Variants in ASB4 observed in about 807,000 individuals in gnomAD.
ASB4 encodes the protein ankyrin repeat and SOCS box containing 4.
In ASB4, 35 loss-of-function variants were observed where a neutral mutation model predicts 38.6. The observed-to-expected ratio is 0.91, with a 90% CI of 0.69 to 1.20. ASB4 has a LOEUF of 1.20. ASB4 is among the 50% of genes most tolerant of loss of function. The pLI, the probability that ASB4 is intolerant of heterozygous loss-of-function variation, is 0.00. For synonymous variants in ASB4, 195 were observed against 201.3 expected (o/e 0.97, Z 0.26); for missense variants, 557 against 527.2 (o/e 1.06, Z -0.55).
chr7:95,546,794 A>G, the ASB4 span, among the ~76,000 whole-genome samples: 1 of 152,308 alleles, frequency 6.6e-6, no homozygotes, highest in East Asian at 1.9e-4. Flanking sequence ...CCGGCACAGG[A>G]TTTCACTTTT....
chr7:95,542,877 G>A (rs1197853070), downstream of ASB4: 1 of 152,166 alleles, frequency 6.6e-6, no homozygotes, highest in Non-Finnish European at 1.5e-5. Context: ...ATCCAGTTAT[G>A]GAAATAAAAT....
chr7:95,535,005 C>T (rs1161458043), intron 3 of ASB4, among the ~76,000 whole-genome samples: 1 of 152,192 alleles, frequency 6.6e-6, no homozygotes, highest in African/African-American at 2.4e-5. Flanking sequence ...TGCCCTGACT[C>T]CATCCAGGTT....
intron 2 of ASB4, among the ~76,000 whole-genome samples, chr7:95,502,958 C>A (rs1790361943): frequency 6.6e-6 from 1 of 152,072 alleles, no homozygotes; most frequent in South Asian, 2.1e-4. Context: ...CCATACCATG[C>A]AGATATTTAA....
downstream of ASB4, among the ~76,000 whole-genome samples, chr7:95,540,763 T>C (rs1790960375): frequency 6.6e-6 from 1 of 152,214 alleles, no homozygotes; most frequent in Admixed American, 6.5e-5. Context: ...TAGACACACT[T>C]GTGTTCTATT....
downstream of ASB4, chr7:95,542,268 T>A (rs1039472123): frequency 6.6e-6 from 1 of 152,140 alleles, no homozygotes; most frequent in African/African-American, 2.4e-5. Flanking sequence ...TTTAAAAAAA[T>A]TAGATGCTGT....
At chr7:95,515,169 C>CTTTCTT (rs1562816887) in intron 2 of ASB4, among the ~76,000 whole-genome samples, 1 of 56,254 alleles carries the variant, frequency 1.8e-5, no homozygotes, top group Admixed American at 1.6e-4. Flanking sequence ...TTCTCTTTCT[C>CTTTCTT]TTTCTTTCTT....
chr7:95,490,386 G>C (rs546006888), intron 1 of ASB4, among the ~76,000 whole-genome samples: 1 of 152,086 alleles, frequency 6.6e-6, no homozygotes, highest in Non-Finnish European at 1.5e-5. Flanking sequence ...CTTCAAACTT[G>C]CTTTTATCCC....
At chr7:95,515,347 TTC>T (rs1268398306) in intron 2 of ASB4, among the ~76,000 whole-genome samples, 1 of 139,406 alleles carries the variant, frequency 7.2e-6, no homozygotes, top group Non-Finnish European at 1.6e-5. Flanking sequence ...CTTTCTTTCT[TTC>T]TTTTTCTTTC....
chr7:95,505,786 A>C (rs780709575), intron 2 of ASB4, among the ~76,000 whole-genome samples: 81 of 149,344 alleles, frequency 5.4e-4, no homozygotes, highest in Non-Finnish European at 1.1e-3. Flanking sequence ...TTTTTGTGCA[A>C]TGTTTGTTAT....
chr7:95,528,008 G>C lies in ASB4; in HGVS notation c.683G>C (p.Ser228Thr). The C allele has an allele frequency of 6.2e-7, 1 of 1,614,134 alleles. No individual in the cohort carries two copies. The highest frequency in any genetic ancestry group is 8.5e-7 in the Non-Finnish European group (1 of 1,180,034). Residue 228 changes from serine (S) to threonine (T), a missense_variant, in exon 3 of 5, where the codon AGC (serine) becomes ACC (threonine). Physicochemically the swap from Ser to Thr is moderately conservative, Grantham distance 58 (BLOSUM62 1). Transcript: ENST00000325885. Reference sequence around the variant, plus strand: ...CTCCGCTTTAAGGAGCAGGAGTACAGCACGGAGCACCACCTGGTCTGCCGC... The same window carrying C: ...CTCCGCTTTAAGGAGCAGGAGTACACCACGGAGCACCACCTGGTCTGCCGC... ...WALRFKEQEY[S>T]TEHHLVCRML...
At chr7:95,476,230 C>T (rs1301726847), upstream of ASB4, among the ~76,000 whole-genome samples, 2 of 152,202 alleles carry the variant, frequency 1.3e-5, no homozygotes, top group Non-Finnish European at 1.5e-5. Flanking sequence ...CTAATAATAA[C>T]TCAGTCAATA....
At chr7:95,508,968 C>G (rs1016235645) in intron 2 of ASB4, among the ~76,000 whole-genome samples, 1 of 152,146 alleles carries the variant, frequency 6.6e-6, no homozygotes, top group South Asian at 2.1e-4. Context: ...CAGATAACGA[C>G]TCAGTCCAGG....
chr7:95,514,304 TATACACCTCTA>T (rs1790525037), intron 2 of ASB4, among the ~76,000 whole-genome samples: 1 of 152,206 alleles, frequency 6.6e-6, no homozygotes. Context: ...GCACAGACCA[TATACACCTCTA>T]ATACACCATT....
chr7:95,543,384 GT>G (rs11287182), downstream of ASB4: 61,314 of 151,834 alleles, frequency 0.4, 13,224 homozygotes, highest in East Asian at 0.54. Flanking sequence ...CCCTTAATTA[GT>G]TTCTTTTCAG....
At chr7:95,499,336 T>C (rs536316347) in intron 2 of ASB4, among the ~76,000 whole-genome samples, 27 of 152,222 alleles carry the variant, frequency 1.8e-4, no homozygotes, top group African/African-American at 6.3e-4. Context: ...CATTTCAATG[T>C]TAGAAGGATG....
At chr7:95,514,381 T>C (rs1480394815) in intron 2 of ASB4, among the ~76,000 whole-genome samples, 1 of 152,254 alleles carries the variant, frequency 6.6e-6, no homozygotes, top group African/African-American at 2.4e-5. Context: ...CAAAGCCCTT[T>C]AGCAATAGCT....
chr7:95,521,811 A>G (rs1009770576), intron 2 of ASB4, among the ~76,000 whole-genome samples: 1 of 152,122 alleles, frequency 6.6e-6, no homozygotes, highest in Admixed American at 6.6e-5. Flanking sequence ...TTAAATGGAT[A>G]CACATATAAA....
intron 2 of ASB4, among the ~76,000 whole-genome samples, chr7:95,507,929 G>A (rs576126536): frequency 6.6e-6 from 1 of 152,124 alleles, no homozygotes; most frequent in African/African-American, 2.4e-5. Flanking sequence ...GTTGAGCGAC[G>A]GATGCAGAAG....
Position 95,492,841 on chromosome 7 carries a change from A to G in ASB4, c.188-2917A>G, listed in dbSNP as rs1790191215. ...AGTTGCTTTTTGAGGAAATTTGAGT[A>G]TTAAAATGACTGATTAAGTATTGAA... is the stretch of plus-strand genomic sequence containing the variant. On this transcript the variant is annotated intron_variant, in intron 1 of 4. Transcript: ENST00000325885. Among the ~76,000 whole-genome samples, 2 of 152,238 alleles carry G rather than the reference A, an allele frequency of 1.3e-5. 1 individual carries two copies.
Sources: gnomAD v4.1 joint callset for allele counts (sites outside exome capture counted in the v4.1 genomes callset) on GRCh38, gnomAD v4.1.1 for gene constraint, MANE v1.5 for transcripts, NCBI Gene and HGNC (gene_info 2026-07-23, HGNC 2026-07-21) for gene names.